The following FBN2 variants were observed in gnomAD, a reference collection of about 807,000 sequenced individuals.
FBN2 encodes fibrillin-2.
Under a neutral mutation model 355.6 loss-of-function variants are expected in FBN2, and 105 were observed. The observed-to-expected ratio is 0.30, with a 90% CI of 0.25 to 0.35. FBN2 has a LOEUF of 0.35. Among genes scored for constraint, FBN2 ranks in the 10% least tolerant of loss-of-function variants. The pLI, the probability that FBN2 is intolerant of heterozygous loss-of-function variation, is 1.00. For missense variants in FBN2, 3,280 were observed against 3,758.7 expected (o/e 0.87, Z 3.33); for synonymous variants, 1,350 against 1,301.2 (o/e 1.04, Z -0.81).
In FBN2 at chr5:128,328,316, T is replaced by C. The variant is rs1581219083; in HGVS notation, c.4471+380A>G. The C allele has an allele frequency of 2.7e-5, 12 of 447,542 alleles. No homozygotes were observed. The South Asian group carries it at 2.8e-4, about 10-fold the overall frequency. 27.7% of individuals were successfully genotyped at this position (447,542 alleles called of 1,614,324 possible). A position where few individuals can be genotyped will look rare whatever the true frequency, so the allele number is the denominator to read the frequency against. ...ACGAAGGTAAATGCCAAAAATGAGC[T>C]TTTTATGATTTTGATAAACACAATA... On this transcript the variant is annotated intron_variant, in intron 34 of 64. Coordinates refer to ENST00000262464, the MANE Select transcript of FBN2 (RefSeq NM_001999.4).
chr5:128,374,374 C>T (rs1161371053), intron 15 of FBN2, among the ~76,000 whole-genome samples: 1 of 152,046 alleles, frequency 6.6e-6, no homozygotes, highest in African/African-American at 2.4e-5. Flanking sequence ...CCACCCCCAT[C>T]CTCTCTGTCC....
chr5:128,342,373 A>G (rs553994900), intron 25 of FBN2, among the ~76,000 whole-genome samples: 1 of 152,142 alleles, frequency 6.6e-6, no homozygotes, highest in South Asian at 2.1e-4. Context: ...TAACACCACA[A>G]AGATGTTTTG....
intron 5 of FBN2, among the ~76,000 whole-genome samples, chr5:128,501,502 C>G (rs1014628828): frequency 2.0e-5 from 3 of 152,130 alleles, no homozygotes; most frequent in African/African-American, 7.2e-5. Context: ...GGGTCGGGAA[C>G]TATGTACCAT....
In FBN2 at chr5:128,393,191, C is replaced by T; in HGVS notation, c.1409G>A (p.Gly470Asp). The T allele has an allele frequency of 1.2e-6, 2 of 1,614,202 alleles. No homozygotes were observed. Among genetic ancestry groups the T allele is most frequent in the Non-Finnish European group, 1.7e-6 (2 of 1,180,034 alleles). ...PIPGGNGFSP[G>D]VGGAGVGAGG... ...GGCCCCCACACCGGCTCCCCCAACG[C>T]CAGGAGAAAAGCCATTGCCTCCAGG... is the stretch of plus-strand genomic sequence containing the variant. Residue 470 changes from glycine (G) to aspartate (D), a missense_variant, in exon 10 of 65, where the codon GGC becomes GAC. Transcript: ENST00000262464.
chr5:128,345,503 G>A lies in FBN2; in HGVS notation c.3071C>T (p.Ala1024Val). 6.2e-7 allele frequency: 1 copy of A among 1,614,164 alleles called. No homozygotes were observed. The highest frequency in any genetic ancestry group is 8.5e-7 in the Non-Finnish European group (1 of 1,180,024). Residue 1024 changes from alanine (A) to valine (V), a missense_variant, in exon 24 of 65, where the codon GCC (alanine) becomes GTC (valine). Transcript: ENST00000262464. ...HPVPGKFRMD[A>V]CCCAVGAAWG... ...AGCCGCCCCGACAGCACAGCAGCAG[G>A]CATCCATGCGGAACTTTCCAGGAAC... is the stretch of plus-strand genomic sequence containing the variant.
intron 7 of FBN2, among the ~76,000 whole-genome samples, chr5:128,437,622 A>C (rs1034440382): frequency 6.6e-6 from 1 of 152,140 alleles, no homozygotes; most frequent in African/African-American, 2.4e-5. Context: ...GTAATAGCAA[A>C]GCAAAAGTAG....
chr5:128,428,346 G>T (rs565777870), intron 7 of FBN2, among the ~76,000 whole-genome samples: 1 of 152,082 alleles, frequency 6.6e-6, no homozygotes, highest in South Asian at 2.1e-4. Context: ...AGTATGCACC[G>T]TGGCTGGCAA....
At chr5:128,531,741 TAC>T (rs1554076083) in intron 2 of FBN2, among the ~76,000 whole-genome samples, 2 of 149,856 alleles carry the variant, frequency 1.3e-5, no homozygotes, top group Admixed American at 6.7e-5. Flanking sequence ...TATATATATA[TAC>T]ACACACATAT....
chr5:128,483,070 A>G (rs1755240481), intron 5 of FBN2, among the ~76,000 whole-genome samples: 1 of 152,238 alleles, frequency 6.6e-6, no homozygotes, highest in African/African-American at 2.4e-5. Context: ...ACAGAAAGCC[A>G]AATACCACAT....
At position 128,448,500 on chromosome 5, in the gene FBN2, T is replaced by C. The variant is rs185267349; in HGVS notation, c.827-1894A>G. Among the ~76,000 whole-genome samples, 17 of 151,838 alleles carry C rather than the reference T, an allele frequency of 1.1e-4. 1 individual carries two copies. Among genetic ancestry groups the C allele is most frequent in the Admixed American group, 7.2e-4 (11 of 15,264 alleles). On this transcript the variant is annotated intron_variant, in intron 6 of 64. Transcript: ENST00000262464. ...TTTTGTATTTTTAGTAGAGATGGGGTTTCTCCATGTTGGTCAGGCTGGTCT... is the reference window on the plus strand; with the variant it reads ...TTTTGTATTTTTAGTAGAGATGGGGCTTCTCCATGTTGGTCAGGCTGGTCT...
chr5:128,404,565 A>C (rs1439599595), intron 8 of FBN2, among the ~76,000 whole-genome samples: 24 of 152,246 alleles, frequency 1.6e-4, no homozygotes. Flanking sequence ...GCTATAATCA[A>C]CATGAAGTTC....
intron 34 of FBN2, among the ~76,000 whole-genome samples, chr5:128,325,556 T>C (rs575940735): frequency 6.6e-6 from 1 of 152,356 alleles, no homozygotes; most frequent in Admixed American, 6.5e-5. Flanking sequence ...TCCTCCTCTA[T>C]GATTAAAGTT....
At position 128,305,955 on chromosome 5, in the gene FBN2, T is replaced by C. The variant is rs1339763380; in HGVS notation, c.5423-7A>G. On this transcript the variant is annotated splice_polypyrimidine_tract_variant and splice_region_variant and intron_variant, in intron 42 of 64. Transcript: ENST00000262464. Reference sequence around the variant, plus strand: ...TCTTTACATTCATCAATGTCTGAAATGGAACAGATTTGGTCAAATATATGT... The same window carrying C: ...TCTTTACATTCATCAATGTCTGAAACGGAACAGATTTGGTCAAATATATGT... 1 of 1,613,228 alleles carries C rather than the reference T, an allele frequency of 6.2e-7. No individual in the cohort carries two copies. Among genetic ancestry groups the C allele is most frequent in the Admixed American group, 1.7e-5 (1 of 60,006 alleles).
intron 31 of FBN2, among the ~76,000 whole-genome samples, chr5:128,334,420 T>C (rs1157514071): frequency 2.6e-5 from 4 of 152,160 alleles, no homozygotes; most frequent in East Asian, 1.9e-4. Context: ...ACTCAGAAAG[T>C]GACTGATGCT....
At chr5:128,422,898 A>G (rs927893785) in intron 7 of FBN2, among the ~76,000 whole-genome samples, 2 of 152,190 alleles carry the variant, frequency 1.3e-5, no homozygotes, top group Non-Finnish European at 2.9e-5. Flanking sequence ...ACATATAAAA[A>G]GAGAAAAACA....
chr5:128,285,892 T>C (rs1258216429), intron 55 of FBN2, among the ~76,000 whole-genome samples: 1 of 152,214 alleles, frequency 6.6e-6, no homozygotes, highest in Non-Finnish European at 1.5e-5. Flanking sequence ...CCAATCTGAT[T>C]AAACATAGCA....
At chr5:128,532,906 G>A (rs183399408) in intron 2 of FBN2, among the ~76,000 whole-genome samples, 4 of 152,070 alleles carry the variant, frequency 2.6e-5, no homozygotes, top group Admixed American at 2.6e-4. Flanking sequence ...CTTGCACATT[G>A]GCATGTGCCC....
intron 7 of FBN2, among the ~76,000 whole-genome samples, chr5:128,440,207 GT>G (rs1223349803): frequency 6.6e-6 from 1 of 152,188 alleles, no homozygotes; most frequent in Non-Finnish European, 1.5e-5. Flanking sequence ...CATAGGAATA[GT>G]AAAGTACACT....
At chr5:128,330,437 T>A in intron 33 of FBN2, 136 bp downstream of exon 33, 1 of 841,608 alleles carries the variant, frequency 1.2e-6, no homozygotes, top group Non-Finnish European at 2.0e-6. Flanking sequence ...GAAAGATACA[T>A]AGTCACCTGC....
Sources: allele counts gnomAD v4.1 joint callset (sites outside exome capture counted in the v4.1 genomes callset), GRCh38; gene constraint gnomAD v4.1.1; transcripts MANE v1.5; gene names NCBI Gene and HGNC (gene_info 2026-07-23, HGNC 2026-07-21).